DLC1: variants seen among roughly 807,000 people sequenced by gnomAD.
DLC1 encodes DLC1 Rho GTPase activating protein, also known as rho GTPase-activating protein 7.
In DLC1, 54 loss-of-function variants were observed where a neutral mutation model predicts 140.3. The ratio of observed to expected loss-of-function variants is 0.38; its 90% CI spans 0.31 to 0.48. The LOEUF (loss-of-function observed/expected upper bound fraction) is 0.48. DLC1 is among the 20% of genes least tolerant of loss of function. DLC1 has a pLI of 0.96. For synonymous variants in DLC1, 986 were observed against 728.1 expected, an observed-to-expected ratio of 1.35 and a Z score of -5.70; for missense variants, 2,536 against 1,907.0, an observed-to-expected ratio of 1.33 and a Z score of -6.14.
chr8:13,301,744 G>A (rs1369356252), intron 5 of DLC1, among the ~76,000 whole-genome samples: 1 of 152,196 alleles, frequency 6.6e-6, no homozygotes, highest in Non-Finnish European at 1.5e-5. Context: ...CGGTGGGCAA[G>A]CGAACATTAC....
intron 4 of DLC1, among the ~76,000 whole-genome samples, chr8:13,379,494 A>G (rs938801113): frequency 2.0e-5 from 3 of 152,240 alleles, no homozygotes; most frequent in Non-Finnish European, 4.4e-5. Flanking sequence ...CACAAAGCCT[A>G]TTTTGTAAGT....
chr8:13,314,227 A>G (rs1004916500), intron 4 of DLC1, among the ~76,000 whole-genome samples: 4 of 123,616 alleles, frequency 3.2e-5, no homozygotes, highest in South Asian at 2.4e-4. Context: ...TACATATATT[A>G]CACATATATT....
intron 5 of DLC1, among the ~76,000 whole-genome samples, chr8:13,181,778 A>G (rs1826052882): frequency 6.6e-6 from 1 of 152,142 alleles, no homozygotes. Flanking sequence ...GCTATTGTGA[A>G]TAGTGCTGCA....
rs1031975 is a variant in DLC1, at chr8:13,529,400, A to G, written c.-125-29204T>C. Among the ~76,000 whole-genome samples, 1,028 of 152,272 alleles carry G rather than the reference A, an allele frequency of 6.8e-3. 14 individuals carry two copies. The highest frequency in any genetic ancestry group is 0.021 in the African/African-American group (878 of 41,566). On this transcript the variant is annotated intron_variant, in intron 1 of 1. Transcript: ENST00000631382. ...CATTTTAAGTACAAGTCATTTCAAC[A>G]TTTTCCCCCAAACCTTCCTATCCTA...
intron 4 of DLC1, among the ~76,000 whole-genome samples, chr8:13,346,665 G>A (rs1170349967): frequency 6.6e-6 from 1 of 152,210 alleles, no homozygotes; most frequent in African/African-American, 2.4e-5. Context: ...TCCAGGCCGG[G>A]GATGTGTCCA....
intron 3 of DLC1, among the ~76,000 whole-genome samples, chr8:13,395,051 A>ATCTG (rs1563311693): frequency 1.0e-4 from 12 of 116,074 alleles, no homozygotes; most frequent in East Asian, 4.2e-4. Context: ...CTATCTATCT[A>ATCTG]TTAGGTACCT....
At chr8:13,167,157 A>G (rs1825162750) in intron 5 of DLC1, among the ~76,000 whole-genome samples, 1 of 152,208 alleles carries the variant, frequency 6.6e-6, no homozygotes, top group Non-Finnish European at 1.5e-5. Context: ...TGTACATTCT[A>G]GGGTAAACAC....
rs372911410 is a variant in DLC1 at position 13,229,549 on chromosome 8, A to G, written c.1348+75720T>C. ...CCATGAATGCATTAAAAACTATCAA[A>G]TTGTGTACTTGAAATAGGTGAACTT... is the stretch of plus-strand genomic sequence containing the variant. On this transcript the variant is annotated intron_variant, in intron 5 of 17. Coordinates refer to ENST00000276297, the MANE Select transcript of DLC1 (RefSeq NM_182643.3). Among the ~76,000 whole-genome samples, 9 of 152,164 alleles carry G rather than the reference A, an allele frequency of 5.9e-5. No individual in the cohort carries two copies. The South Asian group carries it at 1.9e-3, about 32-fold the overall frequency.
rs953399294 is a variant in DLC1 at position 13,433,766 on chromosome 8, C to T, written c.1024-32147G>A. ...GAACACATACTGAAAAAAATGGCAA[C>T]AATTTTTTCCAAATACACTGTGTTC... On this transcript the variant is annotated intron_variant, in intron 2 of 17. Transcript: ENST00000276297. Among the ~76,000 whole-genome samples, 18 of 152,132 alleles carry T rather than the reference C, an allele frequency of 1.2e-4. 1 individual carries two copies. Among genetic ancestry groups the T allele is most frequent in the Admixed American group, 1.2e-3 (18 of 15,284 alleles).
chr8:13,396,437 C>A (rs962889642), intron 3 of DLC1, among the ~76,000 whole-genome samples: 1 of 152,056 alleles, frequency 6.6e-6, no homozygotes, highest in Non-Finnish European at 1.5e-5. Context: ...GTAATGCTTC[C>A]AAGGTGAAAT....
intron 4 of DLC1, 113 bp downstream of exon 4, chr8:13,393,440 C>A: frequency 2.5e-6 from 3 of 1,199,682 alleles, no homozygotes; most frequent in East Asian, 2.4e-5. Context: ...ATCATTAAGT[C>A]ACTATGGCTA....
chr8:13,388,710 A>G (rs184196198), intron 4 of DLC1, among the ~76,000 whole-genome samples: 1 of 152,152 alleles, frequency 6.6e-6, no homozygotes, highest in East Asian at 1.9e-4. Context: ...GGACACAAAT[A>G]TATGCATATA....
intron 1 of DLC1, among the ~76,000 whole-genome samples, chr8:13,548,610 A>G (rs1161023985): frequency 2.0e-5 from 3 of 152,060 alleles, no homozygotes; most frequent in Non-Finnish European, 2.9e-5. Context: ...CCTTTAATAG[A>G]CTTTAGGAGA....
intron 1 of DLC1, among the ~76,000 whole-genome samples, chr8:13,543,163 GAATA>G: frequency 6.6e-6 from 1 of 152,110 alleles, no homozygotes; most frequent in East Asian, 1.9e-4. Flanking sequence ...ATTTATTTTA[GAATA>G]AATATTCAAT....
intron 4 of DLC1, among the ~76,000 whole-genome samples, chr8:13,335,652 T>C (rs1183073376): frequency 2.0e-5 from 3 of 152,084 alleles, no homozygotes; most frequent in Admixed American, 2.0e-4. Context: ...TTCATAAGAG[T>C]AGATCTCCAA....
Position 13,591,454 on chromosome 8 carries a change from T to C in DLC1, c.-126+13083A>G, listed in dbSNP as rs192892113. ...GCACGCCTTCTCTCTCCTGCCACCT[T>C]GTGAAGAAGAACATGTTTGCTTCCC... is the stretch of plus-strand genomic sequence containing the variant. On this transcript the variant is annotated intron_variant, in intron 1 of 1. Coordinates refer to the DLC1 transcript ENST00000631382. Among the ~76,000 whole-genome samples the C allele has an allele frequency of 2.0e-4, 31 of 152,212 alleles. No individual in the cohort carries two copies. The East Asian group carries it at 6.0e-3, about 29-fold the overall frequency.
At chr8:13,131,188 T>A (rs1408122087) in intron 5 of DLC1, among the ~76,000 whole-genome samples, 1 of 152,164 alleles carries the variant, frequency 6.6e-6, no homozygotes, top group African/African-American at 2.4e-5. Flanking sequence ...ATTCCACACT[T>A]ACAGTCTGCA....
intron 5 of DLC1, among the ~76,000 whole-genome samples, chr8:13,238,322 G>A (rs1349038005): frequency 2.0e-5 from 3 of 151,978 alleles, no homozygotes; most frequent in Non-Finnish European, 4.4e-5. Context: ...ACCAGCCTGG[G>A]CAACATGGCT....
chr8:13,400,401 TC>T (rs1837241769), intron 3 of DLC1, among the ~76,000 whole-genome samples: 1 of 152,174 alleles, frequency 6.6e-6, no homozygotes, highest in Admixed American at 6.5e-5. Flanking sequence ...AACTTGATGT[TC>T]CCAGAAAGTC....
Sources: gnomAD v4.1 joint callset for allele counts (sites outside exome capture counted in the v4.1 genomes callset) on GRCh38, gnomAD v4.1.1 for gene constraint, MANE v1.5 for transcripts, NCBI Gene and HGNC (gene_info 2026-07-23, HGNC 2026-07-21) for gene names.